Variants in CRTC2 observed in about 807,000 individuals in gnomAD.
CRTC2 encodes the protein CREB-regulated transcription coactivator 2.
Under a neutral mutation model 70.9 loss-of-function variants are expected in CRTC2, and 25 were observed. The ratio of observed to expected loss-of-function variants is 0.35; its 90% CI spans 0.26 to 0.49. The LOEUF (loss-of-function observed/expected upper bound fraction) is 0.49. CRTC2 is among the 20% of genes least tolerant of loss of function. The probability of loss-of-function intolerance (pLI) is 0.98; values close to 1 mark genes in which losing one functional copy is unlikely to be tolerated. For synonymous variants in CRTC2, 330 were observed against 364.1 expected, an observed-to-expected ratio of 0.91 and a Z score of 1.07; for missense variants, 737 against 882.6, an observed-to-expected ratio of 0.83 and a Z score of 2.09.
intron 1 of CRTC2, chr1:153,958,075 G>A: frequency 7.4e-7 from 1 of 1,351,958 alleles, no homozygotes; most frequent in East Asian, 3.2e-5. Flanking sequence ...TACCTCCGCC[G>A]GACTTCATCT....
At chr1:153,952,857 G>A (rs1303237874) in intron 6 of CRTC2, 23 bp from the exon 7 acceptor site, 3 of 1,614,016 alleles carry the variant, frequency 1.9e-6, no homozygotes, top group Non-Finnish European at 2.5e-6. Context: ...CAGTGGCATT[G>A]GCTGCAGTGC....
In CRTC2 at chr1:153,958,476, C is replaced by T; in HGVS notation, c.22G>A (p.Gly8Arg). The T allele has an allele frequency of 1.2e-6, 2 of 1,611,344 alleles. No homozygotes were observed. The highest frequency in any genetic ancestry group is 1.1e-5 in the South Asian group (1 of 91,040). The change falls in exon 1 of 14, where the codon GGG becomes AGG. Residue 8 changes from glycine to arginine, a missense_variant. Gly to Arg is a moderately radical substitution (Grantham distance 125, BLOSUM62 -2). Around this residue, in one of 3 missense-constraint regions of CRTC2, gnomAD observed 29 missense variants for 25.5 expected, o/e 1.14. Transcript: ENST00000368633. ...GCCGAGGCCGTGGCCGAACCAGGCC[C>T]GTTCGCCCCCGACGTCGCCATCTTC... The part of the protein sequence containing the change: MATSGAN[G>R]PGSATASASN...
chr1:153,950,857 A>C lies in CRTC2; in HGVS notation c.1404+403T>G, dbSNP rs1680279478. On this transcript the variant is annotated intron_variant, in intron 11 of 13. Transcript: ENST00000368633. ...GATATAAAACAGACAGGAACAGAGGAGGCAAATAAAAGGAAAGGGTAAGCT... is the reference window on the plus strand; with the variant it reads ...GATATAAAACAGACAGGAACAGAGGCGGCAAATAAAAGGAAAGGGTAAGCT... Among the ~76,000 whole-genome samples, 5 of 152,218 alleles carry C rather than the reference A, an allele frequency of 3.3e-5. No individual in the cohort carries two copies. In the South Asian group the frequency reaches 8.3e-4, roughly 25 times the overall value.
At position 153,947,806 on chromosome 1, in the gene CRTC2, AAAAGCCCTGCTTCCAG is replaced by A. The variant is rs1268322824; in HGVS notation, c.*287_*302del. 2 of 430,266 alleles carry A rather than the reference AAAAGCCCTGCTTCCAG, an allele frequency of 4.6e-6. No individual in the cohort carries two copies. Among genetic ancestry groups the A allele is most frequent in the Non-Finnish European group, 8.6e-6 (2 of 232,716 alleles). The allele number at this position is 430,266 out of a possible 1,614,324, so 26.7% of individuals were successfully genotyped here. On this transcript the variant is annotated 3_prime_UTR_variant, in exon 14 of 14. Transcript: ENST00000368633. ...GCACTGCCCACCCCTAGGCATCCGG[AAAAGCCCTGCTTCCAG>A]GGCTCCCCTCTACCCCTGCTTTCCA...
rs746520056 is a variant in CRTC2 at position 153,949,396 on chromosome 1, T to C, written c.1405-12A>G. The C allele has an allele frequency of 2.6e-5, 42 of 1,594,622 alleles. No homozygotes were observed. The highest frequency in any genetic ancestry group is 3.6e-5 in the Non-Finnish European group (42 of 1,170,998). On this transcript the variant is annotated splice_polypyrimidine_tract_variant and intron_variant, in intron 11 of 13. Coordinates refer to ENST00000368633, the MANE Select transcript of CRTC2 (RefSeq NM_181715.3). ...TCCAGGGGGACGCCCTGAAAAGAAGTAAAAAGAGGGAAGCTTACTGCTCAG... is the reference window on the plus strand; with the variant it reads ...TCCAGGGGGACGCCCTGAAAAGAAGCAAAAAGAGGGAAGCTTACTGCTCAG...
In CRTC2 at chr1:153,953,611, G is replaced by C; in HGVS notation, c.435-5C>G. The C allele has an allele frequency of 6.2e-7, 1 of 1,604,694 alleles. No individual in the cohort carries two copies. Among genetic ancestry groups the C allele is most frequent in the Non-Finnish European group, 8.5e-7 (1 of 1,176,256 alleles). On this transcript the variant is annotated splice_region_variant and splice_polypyrimidine_tract_variant and intron_variant, in intron 4 of 13. Coordinates refer to ENST00000368633, the MANE Select transcript of CRTC2 (RefSeq NM_181715.3). ...AAATTGCCCCAGGCCATCGTCCTGG[G>C]GTAGAAAAACAAAGTCATGAGGAGG...
chr1:153,949,087 C>A, intron 12 of CRTC2, 28 bp downstream of exon 12: 3 of 1,597,996 alleles, frequency 1.9e-6, no homozygotes, highest in Non-Finnish European at 2.6e-6. Flanking sequence ...CACTCCCCTG[C>A]TTTTGAGCAA....
chr1:153,954,771 G>T, intron 3 of CRTC2, 102 bp downstream of exon 3: 1 of 1,005,752 alleles, frequency 9.9e-7, no homozygotes, highest in Non-Finnish European at 1.5e-6. Context: ...AGAGCTCCAA[G>T]AGAAGGAAGG....
In CRTC2 at chr1:153,952,213, C is replaced by T; in HGVS notation, c.802G>A (p.Ala268Thr). ...GGTAGGGAGCCCCCCGTGTTCATGG[C>T]AGGTGGGAGGACAGGCACATTGGCA... is the stretch of plus-strand genomic sequence containing the variant. ...QPANVPVLPP[A>T]MNTGGSLPDL... is the part of the protein sequence containing the mutation. The change falls in exon 10 of 14, where the codon GCC becomes ACC. Residue 268 changes from alanine (A) to threonine (T), a missense_variant. Ala to Thr is a moderately conservative substitution (Grantham distance 58). Coordinates refer to ENST00000368633, the MANE Select transcript of CRTC2 (RefSeq NM_181715.3). 1 of 1,612,442 alleles carries T rather than the reference C, an allele frequency of 6.2e-7. No individual in the cohort carries two copies. Among genetic ancestry groups the T allele is most frequent in the African/African-American group, 1.3e-5 (1 of 75,000 alleles).
intron 11 of CRTC2, among the ~76,000 whole-genome samples, chr1:153,949,850 CA>C (rs34475872): frequency 3.4e-4 from 47 of 139,246 alleles, no homozygotes; most frequent in Non-Finnish European, 3.3e-4. Context: ...ACTCCGTCTC[CA>C]AAAAAAAAAA....
chr1:153,956,497 G>C (rs1680622831), intron 1 of CRTC2, among the ~76,000 whole-genome samples: 1 of 152,192 alleles, frequency 6.6e-6, no homozygotes, highest in South Asian at 2.1e-4. Context: ...GCTGAGGAGG[G>C]GCAAGTTCTA....
chr1:153,956,463 G>A (rs753167564), intron 1 of CRTC2, among the ~76,000 whole-genome samples: 6 of 152,196 alleles, frequency 3.9e-5, no homozygotes, highest in Non-Finnish European at 8.8e-5. Flanking sequence ...ACAGGCCCAG[G>A]GCAAGGCCAT....
rs1344148402 is a variant in CRTC2, at chr1:153,951,266, G to A, written c.1398C>T (p.Ile466=). 5 of 1,613,968 alleles carry A rather than the reference G, an allele frequency of 3.1e-6. No individual in the cohort carries two copies. The highest frequency in any genetic ancestry group is 4.2e-6 in the Non-Finnish European group (5 of 1,179,954). ...SPTMSPTLSS[I]TQGVPLDTSK... Reference sequence around the variant, plus strand: ...GGAAGGCAGCCACGCATACCTGAGTGATGGAAGACAAGGTGGGTGACATTG... The same window carrying A: ...GGAAGGCAGCCACGCATACCTGAGTAATGGAAGACAAGGTGGGTGACATTG... Residue 466 remains isoleucine, a synonymous_variant, in exon 11 of 14, where the codon ATC becomes ATT. Coordinates refer to ENST00000368633, the MANE Select transcript of CRTC2 (RefSeq NM_181715.3).
At chr1:153,954,764 G>T in intron 3 of CRTC2, 109 bp downstream of exon 3, 2 of 942,340 alleles carry the variant, frequency 2.1e-6, no homozygotes, top group Non-Finnish European at 1.7e-6. Flanking sequence ...GTAAAGAAGA[G>T]CTCCAAGAGA....
Position 153,954,875 on chromosome 1 carries a change from G to A in CRTC2, c.370C>T (p.His124Tyr). 6.2e-7 allele frequency: 1 copy of A among 1,612,312 alleles called. No homozygotes were observed. The highest frequency in any genetic ancestry group is 8.5e-7 in the Non-Finnish European group (1 of 1,179,494). Residue 124 changes from histidine (H) to tyrosine (Y), a missense_variant and splice_region_variant, in exon 3 of 14, where the codon CAC becomes TAC. By Grantham distance (83) the His-to-Tyr change is moderately conservative. This residue lies in a region of CRTC2 where 699 missense variants were observed against 823.7 expected (regional missense o/e 0.85). Transcript: ENST00000368633. ...CCCAAGTCCCCTGTGAAGGATATGT[G>A]GCGGGTGTATCGGCGAAGTGGGGAC... is the stretch of plus-strand genomic sequence containing the variant. ...MVSPLRRYTR[H>Y]IDSSPYSPAY...
At chr1:153,949,420 A>G (rs917399820) in intron 11 of CRTC2, 36 bp from the exon 12 acceptor site, 5 of 1,555,794 alleles carry the variant, frequency 3.2e-6, no homozygotes, top group Non-Finnish European at 4.3e-6. Context: ...CTTACTGCTC[A>G]GTGTATACCC....
intron 10 of CRTC2, 154 bp from the exon 11 acceptor site, chr1:153,951,820 G>T: frequency 4.8e-6 from 5 of 1,050,312 alleles, no homozygotes; most frequent in South Asian, 3.2e-5. Context: ...TCTGGGGACT[G>T]CCCTTCCTCT....
chr1:153,950,355 G>A (rs1295410596), intron 11 of CRTC2, among the ~76,000 whole-genome samples: 1 of 152,196 alleles, frequency 6.6e-6, no homozygotes, highest in Non-Finnish European at 1.5e-5. Flanking sequence ...AGAAAGAAAG[G>A]AAGGGAAGTC....
Position 153,952,266 on chromosome 1 carries a change from G to A in CRTC2, c.753-4C>T, listed in dbSNP as rs1680369609. The A allele has an allele frequency of 1.9e-6, 3 of 1,602,370 alleles. No individual in the cohort carries two copies. The highest frequency in any genetic ancestry group is 2.2e-5 in the South Asian group (2 of 89,948). ...CTGGTCAGGAGATGGAAAGATGCTA[G>A]GGGAAGGAGAGAAAAAGAAAGATGT... On this transcript the variant is annotated splice_region_variant and splice_polypyrimidine_tract_variant and intron_variant, in intron 9 of 13. Transcript: ENST00000368633.
Sources: allele counts gnomAD v4.1 joint callset (sites outside exome capture counted in the v4.1 genomes callset), GRCh38; gene constraint gnomAD v4.1.1; regional missense constraint gnomAD v4.1.1; transcripts MANE v1.5; gene names NCBI Gene and HGNC (gene_info 2026-07-23, HGNC 2026-07-21).